Variants in RELB observed in about 807,000 individuals in gnomAD.
RELB encodes the protein RELB proto-oncogene, NF-kB subunit.
A neutral mutation model predicts 55.4 loss-of-function variants in RELB; 14 were observed. The observed-to-expected ratio is 0.25, with a 90% CI of 0.17 to 0.40. RELB has a LOEUF of 0.40. Ranked by LOEUF, RELB falls within the 10% of genes least tolerant of loss-of-function variation. The pLI is 1.00. For missense variants in RELB, 669 were observed against 830.7 expected (o/e 0.81, Z 2.39); for synonymous variants, 409 against 371.3 (o/e 1.10, Z -1.17).
Position 45,037,764 on chromosome 19 carries a change from C to G in RELB, c.1714C>G (p.Leu572Val), listed in dbSNP as rs762333512. 2.7e-6 allele frequency: 4 copies of G among 1,488,070 alleles called. No homozygotes were observed. The highest frequency in any genetic ancestry group is 3.6e-6 in the Non-Finnish European group (4 of 1,121,990). 92.2% of individuals were successfully genotyped at this position (1,488,070 alleles called of 1,614,324 possible). A position where few individuals can be genotyped will look rare whatever the true frequency, so the allele number is the denominator to read the frequency against. ...CGAGGCGGCCTTTGGGGGCGGCCTC[C>G]TATCCCCGGGGCCTGAAGCCACGTA... The part of the protein sequence containing the change: ...YREAAFGGGL[L>V]SPGPEAT Residue 572 changes from leucine (L) to valine (V), a missense_variant, in exon 12 of 12, where the codon CTA becomes GTA. Coordinates refer to ENST00000221452, the MANE Select transcript of RELB (RefSeq NM_006509.4).
chr19:45,006,017 G>C (rs545929720), intron 2 of RELB, among the ~76,000 whole-genome samples: 5 of 152,224 alleles, frequency 3.3e-5, no homozygotes, highest in African/African-American at 4.8e-5. Context: ...ACCTGGCCTT[G>C]TGCCGAGCAG....
At position 45,012,135 on chromosome 19, in the gene RELB, G is replaced by A. The variant is rs764578786; in HGVS notation, c.363G>A (p.Pro121=). ...LGRLVSPAPG[P]GPQPHLVITE... Reference sequence around the variant, plus strand: ...GACTAGTGTCCCCAGCGCCGGGCCCGGGCCCGCAGCCGCACCTGGTCATCA... The same window carrying A: ...GACTAGTGTCCCCAGCGCCGGGCCCAGGCCCGCAGCCGCACCTGGTCATCA... The change falls in exon 4 of 12, where the codon CCG becomes CCA. Residue 121 remains proline (P), a synonymous_variant. Transcript: ENST00000221452. 2 of 1,558,082 alleles carry A rather than the reference G, an allele frequency of 1.3e-6. No individual in the cohort carries two copies. The highest frequency in any genetic ancestry group is 1.4e-5 in the African/African-American group (1 of 70,064).
chr19:45,004,474 T>C (rs989047124), intron 2 of RELB, among the ~76,000 whole-genome samples: 2 of 150,410 alleles, frequency 1.3e-5, no homozygotes, highest in Admixed American at 1.3e-4. Flanking sequence ...TCCGCCCTCC[T>C]CGGCCTCCCA....
intron 2 of RELB, 126 bp from the exon 3 acceptor site, chr19:45,009,688 C>A: frequency 9.1e-7 from 1 of 1,104,760 alleles, no homozygotes; most frequent in South Asian, 1.4e-5. Context: ...CCCAGGGTTT[C>A]CCAGGACGGA....
At chr19:45,025,848 C>T in intron 7 of RELB, 111 bp downstream of exon 7, 1 of 1,387,648 alleles carries the variant, frequency 7.2e-7, no homozygotes, top group South Asian at 1.2e-5. Context: ...CCTGTAATCC[C>T]AACACTTTGG....
chr19:45,009,668 C>G, intron 2 of RELB, 146 bp from the exon 3 acceptor site: 1 of 829,704 alleles, frequency 1.2e-6, no homozygotes. Context: ...AGTGCCCCAG[C>G]AAGTCAGAGC....
In RELB at chr19:45,037,852, A is replaced by G. The variant is rs1971717521; in HGVS notation, c.*62A>G. Reference sequence around the variant, plus strand: ...GGAGGTGGAGGAGCCGTGCAATCCCAACCAGGATGTCTAGCACCCCCATCC... The same window carrying G: ...GGAGGTGGAGGAGCCGTGCAATCCCGACCAGGATGTCTAGCACCCCCATCC... On this transcript the variant is annotated 3_prime_UTR_variant, in exon 12 of 12. Transcript: ENST00000221452. 6 of 1,428,780 alleles carry G rather than the reference A, an allele frequency of 4.2e-6. No individual in the cohort carries two copies. In the South Asian group the frequency reaches 8.9e-5, roughly 21 times the overall value. 88.5% of individuals were successfully genotyped at this position (1,428,780 alleles called of 1,614,324 possible).
At chr19:45,015,500 T>G (rs937491140) in intron 4 of RELB, among the ~76,000 whole-genome samples, 23 of 151,966 alleles carry the variant, frequency 1.5e-4, no homozygotes, top group African/African-American at 5.6e-4. Context: ...CTTGGGAGAC[T>G]AAGGCAGGAG....
intron 4 of RELB, among the ~76,000 whole-genome samples, chr19:45,016,345 G>A (rs1971421142): frequency 1.3e-5 from 2 of 152,286 alleles, no homozygotes; most frequent in East Asian, 1.9e-4. Flanking sequence ...AATTAATACA[G>A]CATATATAAT....
intron 5 of RELB, among the ~76,000 whole-genome samples, chr19:45,023,680 C>T (rs560191243): frequency 8.0e-5 from 12 of 150,814 alleles, no homozygotes; most frequent in Non-Finnish European, 1.3e-4. Context: ...CCTCGTGATC[C>T]GCCCGCCTCG....
At chr19:45,033,692 G>A (rs1245273487) in intron 9 of RELB, among the ~76,000 whole-genome samples, 3 of 148,984 alleles carry the variant, frequency 2.0e-5, no homozygotes, top group Admixed American at 6.7e-5. Flanking sequence ...ACAGGCACCC[G>A]CCACCATGCC....
In RELB at chr19:45,037,565, G is replaced by A. The variant is rs996478943; in HGVS notation, c.1515G>A (p.Leu505=). 7 of 1,612,602 alleles carry A rather than the reference G, an allele frequency of 4.3e-6. No individual in the cohort carries two copies. The highest frequency in any genetic ancestry group is 1.6e-4 in the Middle Eastern group (1 of 6,084). The part of the protein sequence containing the change: ...APTLFTMLDL[L]PPAPPHASAV... ...CACTCTTCACCATGCTGGACCTGCTGCCCCCGGCACCGCCACACGCTAGCG... is the reference window on the plus strand; with the variant it reads ...CACTCTTCACCATGCTGGACCTGCTACCCCCGGCACCGCCACACGCTAGCG... Residue 505 remains leucine (L), a synonymous_variant, in exon 12 of 12, where the codon CTG becomes CTA. Transcript: ENST00000221452.
intron 4 of RELB, among the ~76,000 whole-genome samples, chr19:45,013,679 A>G (rs564677771): frequency 6.6e-6 from 1 of 151,820 alleles, no homozygotes; most frequent in African/African-American, 2.4e-5. Flanking sequence ...CTGAAAATAC[A>G]AAATTAGTGC....
chr19:45,011,956 A>C lies in RELB; in HGVS notation c.184A>C (p.Lys62Gln). ...CGCAGAGATCATCGACGAGTACATCAAGGAGAACGGCTTCGGCCTGGACGG... is the reference window on the plus strand; with the variant it reads ...CGCAGAGATCATCGACGAGTACATCCAGGAGAACGGCTTCGGCCTGGACGG... ...DELEIIDEYI[K>Q]ENGFGLDGGQ... Residue 62 changes from lysine to glutamine, a missense_variant, in exon 4 of 12, where the codon AAG becomes CAG. Transcript: ENST00000221452. 1.9e-6 allele frequency: 3 copies of C among 1,546,988 alleles called. No homozygotes were observed. The highest frequency in any genetic ancestry group is 1.7e-6 in the Non-Finnish European group (2 of 1,153,020).
chr19:45,020,862 AC>A (rs1300120001), intron 4 of RELB, among the ~76,000 whole-genome samples: 1 of 151,940 alleles, frequency 6.6e-6, no homozygotes, highest in Admixed American at 6.6e-5. Context: ...CGGCCATGGC[AC>A]CCATCTTTAT....
intron 5 of RELB, among the ~76,000 whole-genome samples, chr19:45,024,838 C>A (rs1971538399): frequency 6.6e-6 from 1 of 151,850 alleles, no homozygotes; most frequent in Non-Finnish European, 1.5e-5. Flanking sequence ...ATGTGAGCCA[C>A]CACGTCTGGC....
At chr19:45,021,835 A>T in intron 4 of RELB, 1 of 455,652 alleles carries the variant, frequency 2.2e-6, no homozygotes, top group Non-Finnish European at 3.9e-6. Flanking sequence ...TCGGCCTTCC[A>T]ACGTGCTGGG....
chr19:45,023,673 C>T (rs1370778640), intron 5 of RELB, among the ~76,000 whole-genome samples: 3 of 148,432 alleles, frequency 2.0e-5, no homozygotes, highest in East Asian at 2.0e-4. Context: ...CTCCTGACCT[C>T]GTGATCCGCC....
chr19:45,031,961 G>C (rs1166203948), intron 8 of RELB, among the ~76,000 whole-genome samples: 2 of 151,832 alleles, frequency 1.3e-5, no homozygotes, highest in African/African-American at 4.8e-5. Flanking sequence ...AACAAGGCCG[G>C]GTTTGGTGGC....
Sources: gnomAD v4.1 joint callset for allele counts (sites outside exome capture counted in the v4.1 genomes callset) on GRCh38, gnomAD v4.1.1 for gene constraint, MANE v1.5 for transcripts, NCBI Gene and HGNC (gene_info 2026-07-23, HGNC 2026-07-21) for gene names.